Variants in UNC5C observed in about 807,000 individuals in gnomAD.
UNC5C encodes unc-5 netrin receptor C.
A neutral mutation model predicts 99.8 loss-of-function variants in UNC5C; 47 were observed. The ratio of observed to expected loss-of-function variants is 0.47; its 90% confidence interval spans 0.37 to 0.60. UNC5C has a LOEUF of 0.60. Ranked by LOEUF, UNC5C falls within the 20% of genes least tolerant of loss-of-function variation. The probability of loss-of-function intolerance (pLI) is 0.00; values close to 1 mark genes in which losing one functional copy is unlikely to be tolerated. For synonymous variants in UNC5C, 487 were observed against 452.2 expected (o/e 1.08, Z -0.98); for missense variants, 1,062 against 1,165.9 (o/e 0.91, Z 1.30).
At chr4:95,490,207 G>T (rs1289852525) in intron 1 of UNC5C, among the ~76,000 whole-genome samples, 1 of 151,512 alleles carries the variant, frequency 6.6e-6, no homozygotes. Context: ...AGATGGAAGG[G>T]GTCACATTGG....
chr4:95,193,745 C>T (rs1397534215), intron 12 of UNC5C, among the ~76,000 whole-genome samples: 1 of 152,214 alleles, frequency 6.6e-6, no homozygotes, highest in Non-Finnish European at 1.5e-5. Flanking sequence ...CTCTCCTGTT[C>T]TCTGCCAGCT....
chr4:95,343,839 G>T (rs2128915), intron 1 of UNC5C, among the ~76,000 whole-genome samples: 22,008 of 152,010 alleles, frequency 0.14, 1,941 homozygotes, highest in Admixed American at 0.19. Flanking sequence ...TAATGAAGCA[G>T]AAGAAAGAAC....
chr4:95,539,921 TCTA>T (rs1200720275), intron 1 of UNC5C, among the ~76,000 whole-genome samples: 1 of 140,688 alleles, frequency 7.1e-6, no homozygotes, highest in Non-Finnish European at 1.5e-5. Context: ...TAGCCATCCT[TCTA>T]CTTTTTTTTT....
At chr4:95,361,955 A>G (rs1278984971) in intron 1 of UNC5C, among the ~76,000 whole-genome samples, 2 of 148,076 alleles carry the variant, frequency 1.4e-5, no homozygotes, top group African/African-American at 5.1e-5. Flanking sequence ...AAAACAGATT[A>G]TCTATTATCT....
intron 1 of UNC5C, among the ~76,000 whole-genome samples, chr4:95,356,193 C>CAAAAAAAAAAAAAAAAA (rs59097041): frequency 5.2e-5 from 3 of 57,994 alleles, no homozygotes; most frequent in African/African-American, 7.9e-5. Flanking sequence ...GACCCTGTAG[C>CAAAAAAAAAAAAAAAAA]AAAAAAAAAA....
intron 2 of UNC5C, among the ~76,000 whole-genome samples, chr4:95,329,084 A>G (rs559333857): frequency 2.6e-4 from 39 of 152,202 alleles, no homozygotes; most frequent in Admixed American, 6.5e-4. Flanking sequence ...TGAGCACAGG[A>G]GTTTGGAGAC....
intron 1 of UNC5C, among the ~76,000 whole-genome samples, chr4:95,440,834 A>C (rs1746929373): frequency 6.6e-6 from 1 of 152,204 alleles, no homozygotes; most frequent in African/African-American, 2.4e-5. Flanking sequence ...TTTAATAAAT[A>C]ATACTTAACA....
rs138978640 is a variant in UNC5C at position 95,245,087 on chromosome 4, C to T, written c.833G>A (p.Arg278Gln). The T allele has an allele frequency of 3.3e-5, 53 of 1,614,018 alleles. No homozygotes were observed. The African/African-American group carries it at 5.5e-4, about 17-fold the overall frequency. The change falls in exon 6 of 16, where the codon CGA becomes CAA. Residue 278 changes from arginine (R) to glutamine (Q), a missense_variant. Arg to Gln is a conservative substitution (Grantham distance 43, BLOSUM62 1). This residue lies in a region of UNC5C where 810 missense variants were observed against 854.5 expected (regional missense o/e 0.95). Transcript: ENST00000453304. ...AGTCCTTGTACGTTTCTGATACCCT[C>T]GTCCACAGCGGCTGTTACACACAGA... The part of the protein sequence containing the change: ...EWSVCNSRCG[R>Q]GYQKRTRTCT...
chr4:95,305,078 C>G (rs1388149560), intron 2 of UNC5C, among the ~76,000 whole-genome samples: 2 of 152,182 alleles, frequency 1.3e-5, no homozygotes, highest in African/African-American at 2.4e-5. Flanking sequence ...GCACTGGAGT[C>G]AAGCACACAC....
At chr4:95,378,362 T>C (rs1387901121) in intron 1 of UNC5C, among the ~76,000 whole-genome samples, 1 of 150,232 alleles carries the variant, frequency 6.7e-6, no homozygotes, top group Non-Finnish European at 1.5e-5. Flanking sequence ...TTATCTCAAA[T>C]CAGGCTAGGT....
At chr4:95,324,115 G>T (rs2149414493) in intron 2 of UNC5C, among the ~76,000 whole-genome samples, 1 of 152,138 alleles carries the variant, frequency 6.6e-6, no homozygotes, top group East Asian at 1.9e-4. Flanking sequence ...TAATACAGAG[G>T]TCCCCAACCC....
chr4:95,342,033 A>G (rs1368256775), intron 1 of UNC5C, among the ~76,000 whole-genome samples: 1 of 152,124 alleles, frequency 6.6e-6, no homozygotes, highest in Non-Finnish European at 1.5e-5. Context: ...CCTTGCCACC[A>G]TGGGCTAAGG....
At chr4:95,541,512 T>C (rs1560499871) in intron 1 of UNC5C, among the ~76,000 whole-genome samples, 5 of 152,324 alleles carry the variant, frequency 3.3e-5, no homozygotes. Context: ...TACTTTTATA[T>C]CACGTACCCC....
intron 1 of UNC5C, among the ~76,000 whole-genome samples, chr4:95,362,258 C>T (rs66625786): frequency 1.3e-5 from 2 of 152,028 alleles, no homozygotes; most frequent in Non-Finnish European, 2.9e-5. Flanking sequence ...TCCTGCCCAT[C>T]GGAGCGTTCC....
At chr4:95,189,714 T>C (rs1474484536) in intron 12 of UNC5C, among the ~76,000 whole-genome samples, 2 of 152,204 alleles carry the variant, frequency 1.3e-5, no homozygotes, top group Admixed American at 1.3e-4. Flanking sequence ...AGAAGACATT[T>C]ATGCAGTCAA....
chr4:95,489,740 T>A (rs1156430608), intron 1 of UNC5C, among the ~76,000 whole-genome samples: 4 of 151,604 alleles, frequency 2.6e-5, no homozygotes, highest in Non-Finnish European at 4.4e-5. Flanking sequence ...AGTGAGAAGC[T>A]GACGAATGGA....
intron 1 of UNC5C, among the ~76,000 whole-genome samples, chr4:95,350,816 G>T (rs1743962470): frequency 6.6e-6 from 1 of 152,126 alleles, no homozygotes; most frequent in Admixed American, 6.6e-5. Flanking sequence ...GGCCAGGCTA[G>T]AGTTCCCCAT....
chr4:95,359,044 T>A (rs1386528003), intron 1 of UNC5C, among the ~76,000 whole-genome samples: 2 of 152,214 alleles, frequency 1.3e-5, no homozygotes, highest in East Asian at 3.9e-4. Context: ...GGTCTGTAAT[T>A]AAATTCTACA....
chr4:95,493,056 A>G (rs1578193721), intron 1 of UNC5C, among the ~76,000 whole-genome samples: 2 of 151,522 alleles, frequency 1.3e-5, no homozygotes, highest in East Asian at 1.9e-4. Context: ...CATGTTGTAG[A>G]GCACTCAACA....
Sources: gnomAD v4.1 joint callset for allele counts (sites outside exome capture counted in the v4.1 genomes callset) on GRCh38, gnomAD v4.1.1 for gene constraint, gnomAD v4.1.1 regional missense constraint, MANE v1.5 for transcripts, NCBI Gene and HGNC (gene_info 2026-07-23, HGNC 2026-07-21) for gene names.